The following JAKMIP1 variants were observed in gnomAD, a reference collection of about 807,000 sequenced individuals.
JAKMIP1 encodes the protein janus kinase and microtubule interacting protein 1, also known as janus kinase and microtubule-interacting protein 1.
JAKMIP1 carries 33 observed loss-of-function variants against 113.0 expected under a neutral mutation model. The ratio of observed to expected loss-of-function variants is 0.29; its 90% CI spans 0.22 to 0.39. The LOEUF (loss-of-function observed/expected upper bound fraction) is 0.39, where lower values mean the gene tolerates loss of function less well. Ranked by LOEUF, JAKMIP1 falls within the 10% of genes least tolerant of loss-of-function variation. The pLI is 1.00. For missense variants in JAKMIP1, 813 were observed against 1,080.5 expected (o/e 0.75, Z 3.47); for synonymous variants, 480 against 459.9 (o/e 1.04, Z -0.56).
intron 16 of JAKMIP1, 136 bp downstream of exon 16, chr4:6,048,721 C>T (rs1009828394): frequency 7.4e-6 from 5 of 679,760 alleles, no homozygotes; most frequent in Admixed American, 2.5e-5. Flanking sequence ...AACGGAAAGG[C>T]ATGCATGTGC....
chr4:6,035,435 T>C (rs6823437), intron 19 of JAKMIP1, among the ~76,000 whole-genome samples: 5,690 of 152,044 alleles, frequency 0.037, 148 homozygotes, highest in South Asian at 0.069. Flanking sequence ...AGCCCTCAGC[T>C]CCCCATGTGC....
chr4:6,061,070 C>A lies in JAKMIP1; in HGVS notation c.1561-563G>T. 6.6e-6 allele frequency among the ~76,000 whole-genome samples: 1 copy of A among 152,204 alleles called. No homozygotes were observed. Among genetic ancestry groups the A allele is most frequent in the Non-Finnish European group, 1.5e-5 (1 of 68,036 alleles). Reference sequence around the variant, plus strand: ...GGGACTGTGGCAAGCCAGAGGCACACGTCCCATCTCAGGGAGACACTGCTA... The same window carrying A: ...GGGACTGTGGCAAGCCAGAGGCACAAGTCCCATCTCAGGGAGACACTGCTA... On this transcript the variant is annotated intron_variant, in intron 10 of 20. Coordinates refer to ENST00000409021, the MANE Select transcript of JAKMIP1 (RefSeq NM_001099433.2). The surrounding 1 kb of genome is among the most constrained non-coding windows in gnomAD (Gnocchi z 5.3).
intron 1 of JAKMIP1, among the ~76,000 whole-genome samples, chr4:6,144,102 C>T (rs1720520605): frequency 6.6e-6 from 1 of 152,132 alleles, no homozygotes; most frequent in Admixed American, 6.5e-5. Context: ...CCTTTCTGGC[C>T]CCCACATCCT....
intron 3 of JAKMIP1, among the ~76,000 whole-genome samples, chr4:6,098,614 A>G (rs1394457951): frequency 1.1e-4 from 15 of 136,106 alleles, no homozygotes; most frequent in Non-Finnish European, 2.3e-4. Flanking sequence ...AAGAAAAGAA[A>G]GAAAAAGAAA....
rs774428992 is a variant in JAKMIP1 at position 6,185,022 on chromosome 4, C to T, written c.-148+15231G>A. Among the ~76,000 whole-genome samples the T allele has an allele frequency of 2.6e-5, 4 of 152,184 alleles. No individual in the cohort carries two copies. The highest frequency in any genetic ancestry group is 1.9e-4 in the East Asian group (1 of 5,188). On this transcript the variant is annotated intron_variant, in intron 1 of 20. Transcript: ENST00000409021. This position sits in a 1 kb window ranked among gnomAD's most constrained non-coding sequence, Gnocchi z 5.3. Reference sequence around the variant, plus strand: ...GAACATCAGACTCCAAGTTCTTCAGCGTTTGGCCTCTTGGACTTCCACCAG... The same window carrying T: ...GAACATCAGACTCCAAGTTCTTCAGTGTTTGGCCTCTTGGACTTCCACCAG...
chr4:6,037,633 C>T (rs1443354427), intron 18 of JAKMIP1, among the ~76,000 whole-genome samples: 33 of 125,392 alleles, frequency 2.6e-4, no homozygotes, highest in African/African-American at 5.4e-4. Context: ...CCTCCATCAC[C>T]GAGGCAGAGG....
At chr4:6,103,415 ATCTTGCTCGTAC>A (rs1713411627) in intron 3 of JAKMIP1, among the ~76,000 whole-genome samples, 1 of 152,212 alleles carries the variant, frequency 6.6e-6, no homozygotes, top group African/African-American at 2.4e-5. Context: ...ATATGTTAAT[ATCTTGCTCGTAC>A]TCTTGTATCT....
At chr4:6,114,534 G>A (rs1024409348) in intron 1 of JAKMIP1, among the ~76,000 whole-genome samples, 7 of 152,170 alleles carry the variant, frequency 4.6e-5, no homozygotes, top group Admixed American at 1.3e-4. Context: ...AGTCAGGCGG[G>A]ACCTGCTAGC....
At chr4:6,075,873 A>G (rs1560146918) in intron 8 of JAKMIP1, among the ~76,000 whole-genome samples, 1 of 152,166 alleles carries the variant, frequency 6.6e-6, no homozygotes, top group Non-Finnish European at 1.5e-5. Context: ...TCCCATAAAC[A>G]CATTCAGAAA....
rs1715457999 is a variant in JAKMIP1, at chr4:6,050,012, C to A, written c.1909-140G>T. 2 of 643,612 alleles carry A rather than the reference C, an allele frequency of 3.1e-6. No homozygotes were observed. The highest frequency in any genetic ancestry group is 5.5e-5 in the East Asian group (2 of 36,560). The allele number at this position is 643,612 out of a possible 1,614,324, so 39.9% of individuals were successfully genotyped here. A position where few individuals can be genotyped will look rare whatever the true frequency, so the allele number is the denominator to read the frequency against. On this transcript the variant is annotated intron_variant, in intron 14 of 20. Coordinates refer to ENST00000409021, the MANE Select transcript of JAKMIP1 (RefSeq NM_001099433.2). This position sits in a 1 kb window ranked among gnomAD's most constrained non-coding sequence, Gnocchi z 7.4. ...TGGCCAAGTTTTGCGCCCAGCCGTT[C>A]CTCTGGGGAGTGAGGGAGAGAAGGC...
chr4:6,142,971 T>G lies in JAKMIP1; in HGVS notation c.-147-29974A>C, dbSNP rs1007884710. Among the ~76,000 whole-genome samples the G allele has an allele frequency of 6.6e-6, 1 of 152,202 alleles. No individual in the cohort carries two copies. ...GTGTTTGTGGCCTCTCATCTCTGAC[T>G]ATACTATCAATATGAAAAGAAAAAC... is the stretch of plus-strand genomic sequence containing the variant. On this transcript the variant is annotated intron_variant, in intron 1 of 20. Transcript: ENST00000409021. The surrounding 1 kb of genome is among the most constrained non-coding windows in gnomAD (Gnocchi z 5.5).
intron 2 of JAKMIP1, among the ~76,000 whole-genome samples, chr4:6,107,451 T>C (rs1355956255): frequency 6.6e-6 from 1 of 152,196 alleles, no homozygotes. Flanking sequence ...CCAGTCCAGA[T>C]GTGGCTGTGA....
chr4:6,186,839 T>C lies in JAKMIP1; in HGVS notation c.-148+13414A>G, dbSNP rs529944844. Among the ~76,000 whole-genome samples, 158 of 152,296 alleles carry C rather than the reference T, an allele frequency of 1.0e-3. 2 individuals are homozygous for C. The highest frequency in any genetic ancestry group is 3.6e-3 in the African/African-American group (149 of 41,548). Reference sequence around the variant, plus strand: ...TCACTTCTGTCAGGTTTTTTGTTTGTTTGTTTGAGACAGTCTCTCACTCTG... The same window carrying C: ...TCACTTCTGTCAGGTTTTTTGTTTGCTTGTTTGAGACAGTCTCTCACTCTG... On this transcript the variant is annotated intron_variant, in intron 1 of 20. Transcript: ENST00000409021. The surrounding 1 kb of genome is among the most constrained non-coding windows in gnomAD (Gnocchi z 5.5).
In JAKMIP1 at chr4:6,065,363, G is replaced by A. The variant is rs916555359; in HGVS notation, c.1303-355C>T. Among the ~76,000 whole-genome samples, 19 of 152,244 alleles carry A rather than the reference G, an allele frequency of 1.2e-4. No individual in the cohort carries two copies. The highest frequency in any genetic ancestry group is 2.6e-4 in the Non-Finnish European group (18 of 68,048). Reference sequence around the variant, plus strand: ...GTGAGCACAAAAGGGGGCCATGCATGCCCTGTGCCCAGAAAGCAGCCCAGC... The same window carrying A: ...GTGAGCACAAAAGGGGGCCATGCATACCCTGTGCCCAGAAAGCAGCCCAGC... On this transcript the variant is annotated intron_variant, in intron 8 of 20. Transcript: ENST00000409021. This position sits in a 1 kb window ranked among gnomAD's most constrained non-coding sequence, Gnocchi z 5.1.
Position 6,050,895 on chromosome 4 carries a change from T to C in JAKMIP1, c.1807-216A>G, listed in dbSNP as rs761517352. ...CATGGAAATGTGTTTACTTCTTCCC[T>C]ATTCATCTAGGGAGAAATGGTTAAC... On this transcript the variant is annotated intron_variant, in intron 13 of 20. Transcript: ENST00000409021. The surrounding 1 kb of genome is among the most constrained non-coding windows in gnomAD (Gnocchi z 7.4). Among the ~76,000 whole-genome samples, 6 of 152,212 alleles carry C rather than the reference T, an allele frequency of 3.9e-5. No homozygotes were observed. Among genetic ancestry groups the C allele is most frequent in the Non-Finnish European group, 5.9e-5 (4 of 68,044 alleles).
chr4:6,139,452 A>G lies in JAKMIP1; in HGVS notation c.-147-26455T>C, dbSNP rs1033404105. Among the ~76,000 whole-genome samples the G allele has an allele frequency of 2.0e-5, 3 of 152,150 alleles. No individual in the cohort carries two copies. Among genetic ancestry groups the G allele is most frequent in the East Asian group, 1.9e-4 (1 of 5,156 alleles). On this transcript the variant is annotated intron_variant, in intron 1 of 20. Coordinates refer to ENST00000409021, the MANE Select transcript of JAKMIP1 (RefSeq NM_001099433.2). The surrounding 1 kb of genome is among the most constrained non-coding windows in gnomAD (Gnocchi z 5.2). ...AAGTCAGGAGGGTGGGCCTTAACCA[A>G]TATGATGGGTGTTCCTACAAAAAGA...
chr4:6,035,202 T>G (rs1713251515), intron 19 of JAKMIP1, among the ~76,000 whole-genome samples: 1 of 152,164 alleles, frequency 6.6e-6, no homozygotes, highest in African/African-American at 2.4e-5. Context: ...CCACTGGTAA[T>G]CTAGATCCTT....
At chr4:6,145,411 C>T (rs775680557) in intron 1 of JAKMIP1, among the ~76,000 whole-genome samples, 1 of 152,168 alleles carries the variant, frequency 6.6e-6, no homozygotes, top group African/African-American at 2.4e-5. Context: ...AATATTCATG[C>T]CTTGTCCCTG....
chr4:6,035,816 G>T, intron 19 of JAKMIP1, 88 bp downstream of exon 19: 1 of 1,132,188 alleles, frequency 8.8e-7, no homozygotes, highest in Non-Finnish European at 1.2e-6. Context: ...TGAGCCTGGG[G>T]CACTCAGAGG....
Sources: gnomAD v4.1 joint callset for allele counts (sites outside exome capture counted in the v4.1 genomes callset) on GRCh38, gnomAD v4.1.1 for gene constraint, Gnocchi (gnomAD v3.1) non-coding constraint, MANE v1.5 for transcripts, NCBI Gene and HGNC (gene_info 2026-07-23, HGNC 2026-07-21) for gene names.